MAP4K3: variants seen among roughly 807,000 people sequenced by gnomAD.
MAP4K3 encodes mitogen-activated protein kinase kinase kinase kinase 3.
A neutral mutation model predicts 143.5 loss-of-function variants in MAP4K3; 94 were observed. That is an observed-to-expected ratio of 0.65 (90% CI 0.55 to 0.78). MAP4K3 has a LOEUF of 0.78. MAP4K3 is among the 30% of genes least tolerant of loss of function. MAP4K3 has a pLI of 0.00. For synonymous variants in MAP4K3, 416 were observed against 347.2 expected (o/e 1.20, Z -2.20); for missense variants, 1,077 against 1,068.1 (o/e 1.01, Z -0.12).
intron 2 of MAP4K3, among the ~76,000 whole-genome samples, chr2:39,368,467 G>T (rs146682779): frequency 2.4e-4 from 36 of 152,130 alleles, no homozygotes; most frequent in African/African-American, 8.4e-4. Flanking sequence ...AGGAGTTTGA[G>T]ACCAGCTTGG....
chr2:39,396,689 G>A (rs1666817822), intron 1 of MAP4K3, among the ~76,000 whole-genome samples: 1 of 152,006 alleles, frequency 6.6e-6, no homozygotes, highest in Admixed American at 6.5e-5. Context: ...TAATCAGGAT[G>A]GTCTCGATCT....
chr2:39,305,931 G>GC (rs1558635978), intron 15 of MAP4K3, among the ~76,000 whole-genome samples: 8 of 152,084 alleles, frequency 5.3e-5, no homozygotes, highest in African/African-American at 1.9e-4. Context: ...CCAGGTTCAA[G>GC]GATTCTCCTG....
At chr2:39,309,548 ATT>A (rs749101883) in intron 13 of MAP4K3, 29 bp from the exon 14 acceptor site, 11,020 of 331,638 alleles carry the variant, frequency 0.033, 1 homozygote, top group East Asian at 0.053. Context: ...TAAAACCAGG[ATT>A]TTTTTTTTTT....
intron 2 of MAP4K3, among the ~76,000 whole-genome samples, chr2:39,359,738 G>A (rs1165130473): frequency 6.6e-6 from 1 of 152,250 alleles, no homozygotes; most frequent in Non-Finnish European, 1.5e-5. Flanking sequence ...TCAATACCAC[G>A]TGGAAGCTGC....
At chr2:39,294,722 C>A (rs1022256508) in intron 16 of MAP4K3, among the ~76,000 whole-genome samples, 1 of 152,118 alleles carries the variant, frequency 6.6e-6, no homozygotes, top group African/African-American at 2.4e-5. Flanking sequence ...AGGTAAAGTG[C>A]CCAGAAGGGT....
intron 5 of MAP4K3, 41 bp downstream of exon 5, chr2:39,337,484 GT>G (rs1326592135): frequency 6.8e-7 from 1 of 1,477,406 alleles, no homozygotes; most frequent in Non-Finnish European, 9.5e-7. Context: ...TAAAGCCTTA[GT>G]TTAATGAAAA....
intron 8 of MAP4K3, among the ~76,000 whole-genome samples, chr2:39,328,675 A>C (rs1057055731): frequency 3.9e-5 from 6 of 152,142 alleles, no homozygotes; most frequent in African/African-American, 1.4e-4. Context: ...ACATTCATAC[A>C]ACTGTATGAA....
rs781542508 is a variant in MAP4K3, at chr2:39,437,025, G to A, written c.-38C>T. 3 of 1,545,650 alleles carry A rather than the reference G, an allele frequency of 1.9e-6. No individual in the cohort carries two copies. Among genetic ancestry groups the A allele is most frequent in the East Asian group, 2.3e-5 (1 of 43,112 alleles). On this transcript the variant is annotated 5_prime_UTR_variant, in exon 1 of 34. Coordinates refer to ENST00000263881, the MANE Select transcript of MAP4K3 (RefSeq NM_003618.4). ...GTGCCCCCCGCCTCCCTCCCGGGCA[G>A]GGGAGGGGGGCCGCTCAGGGGGCCA...
At chr2:39,354,084 G>T (rs1665536111) in intron 3 of MAP4K3, among the ~76,000 whole-genome samples, 2 of 151,942 alleles carry the variant, frequency 1.3e-5, no homozygotes, top group Admixed American at 6.6e-5. Flanking sequence ...AAATGAGTGG[G>T]GTTATCCTGG....
At chr2:39,269,220 T>C (rs1229027713) in intron 26 of MAP4K3, among the ~76,000 whole-genome samples, 1 of 152,040 alleles carries the variant, frequency 6.6e-6, no homozygotes, top group African/African-American at 2.4e-5. Flanking sequence ...ATGGATGTTC[T>C]TGTAACCACA....
chr2:39,397,343 A>G (rs1235235116), intron 1 of MAP4K3, among the ~76,000 whole-genome samples: 1 of 152,194 alleles, frequency 6.6e-6, no homozygotes, highest in East Asian at 1.9e-4. Flanking sequence ...TATATACAAC[A>G]TATTATAATA....
intron 16 of MAP4K3, 94 bp downstream of exon 16, chr2:39,299,649 A>C: frequency 1.7e-6 from 1 of 574,694 alleles, no homozygotes; most frequent in Non-Finnish European, 2.8e-6. Flanking sequence ...CTACCAGCCT[A>C]ATACAATTTT....
At chr2:39,257,723 C>T (rs752416294) in intron 31 of MAP4K3, among the ~76,000 whole-genome samples, 16 of 144,668 alleles carry the variant, frequency 1.1e-4, no homozygotes, top group Non-Finnish European at 2.1e-4. Context: ...CACTTGAATC[C>T]GGGAGGCAGA....
chr2:39,371,030 C>T (rs529301412), intron 2 of MAP4K3, among the ~76,000 whole-genome samples: 2 of 151,598 alleles, frequency 1.3e-5, no homozygotes, highest in South Asian at 4.2e-4. Context: ...TTTTTTTTTC[C>T]CAAATAAGTC....
intron 15 of MAP4K3, among the ~76,000 whole-genome samples, chr2:39,303,480 G>A (rs1210950662): frequency 5.9e-5 from 9 of 152,068 alleles, no homozygotes; most frequent in Non-Finnish European, 4.4e-5. Flanking sequence ...CTTCTTCAGA[G>A]CAATGATTAT....
At chr2:39,370,242 C>T (rs1666043585) in intron 2 of MAP4K3, among the ~76,000 whole-genome samples, 1 of 152,104 alleles carries the variant, frequency 6.6e-6, no homozygotes, top group South Asian at 2.1e-4. Flanking sequence ...TAGTATGATT[C>T]TAATAAATTT....
intron 1 of MAP4K3, among the ~76,000 whole-genome samples, chr2:39,380,487 T>G (rs181243261): frequency 6.6e-6 from 1 of 152,296 alleles, no homozygotes; most frequent in East Asian, 1.9e-4. Flanking sequence ...GAGCAGTTTA[T>G]TTTTTAAAAA....
At chr2:39,393,721 T>G (rs1363809888) in intron 1 of MAP4K3, among the ~76,000 whole-genome samples, 1 of 152,118 alleles carries the variant, frequency 6.6e-6, no homozygotes, top group South Asian at 2.1e-4. Context: ...CACTTGACCT[T>G]TGGTATATGC....
At chr2:39,384,871 A>G (rs1397709221) in intron 1 of MAP4K3, among the ~76,000 whole-genome samples, 3 of 152,224 alleles carry the variant, frequency 2.0e-5, no homozygotes, top group African/African-American at 7.2e-5. Flanking sequence ...ATCAGGAAAT[A>G]AGAAAGTTCC....
Sources: allele counts gnomAD v4.1 joint callset (sites outside exome capture counted in the v4.1 genomes callset), GRCh38; gene constraint gnomAD v4.1.1; transcripts MANE v1.5; gene names NCBI Gene and HGNC (gene_info 2026-07-23, HGNC 2026-07-21).